Variants in KDELR2 observed in about 807,000 individuals in gnomAD.
KDELR2 encodes KDEL endoplasmic reticulum protein retention receptor 2, also known as ER lumen protein-retaining receptor 2.
Under a neutral mutation model 23.9 loss-of-function variants are expected in KDELR2, and 15 were observed. That is an observed-to-expected ratio of 0.63 (90% confidence interval 0.42 to 0.97). KDELR2 has a LOEUF of 0.97. Among genes scored for constraint, KDELR2 ranks in the 50% least tolerant of loss-of-function variants. The pLI is 0.00. For missense variants in KDELR2, 272 were observed against 254.6 expected (o/e 1.07, Z -0.46); for synonymous variants, 119 against 106.2 (o/e 1.12, Z -0.74).
chr7:6,474,291 A>G lies in KDELR2; in HGVS notation c.92-7T>C. On this transcript the variant is annotated splice_polypyrimidine_tract_variant and splice_region_variant and intron_variant, in intron 1 of 4. Coordinates refer to ENST00000258739, the MANE Select transcript of KDELR2 (RefSeq NM_006854.4). Reference sequence around the variant, plus strand: ...TGGCTTTTCCCAGAAATACCTAGAGAAACAGAAGGGAAGTATTAGAAGGGC... The same window carrying G: ...TGGCTTTTCCCAGAAATACCTAGAGGAACAGAAGGGAAGTATTAGAAGGGC... The G allele has an allele frequency of 6.3e-7, 1 of 1,591,264 alleles. No homozygotes were observed. The highest frequency in any genetic ancestry group is 8.6e-7 in the Non-Finnish European group (1 of 1,159,244).
chr7:6,466,993 G>C (rs771133214), intron 3 of KDELR2, among the ~76,000 whole-genome samples: 7 of 152,140 alleles, frequency 4.6e-5, no homozygotes, highest in Non-Finnish European at 8.8e-5. Flanking sequence ...CAGGGGTTGA[G>C]GACTCCTGGC....
At chr7:6,475,384 T>A (rs945227878) in intron 1 of KDELR2, among the ~76,000 whole-genome samples, 6 of 152,098 alleles carry the variant, frequency 3.9e-5, no homozygotes, top group African/African-American at 1.4e-4. Context: ...TGTGGTCACA[T>A]CCCTGCACTC....
intron 2 of KDELR2, among the ~76,000 whole-genome samples, chr7:6,470,910 C>A (rs1037595448): frequency 1.3e-5 from 2 of 151,768 alleles, no homozygotes; most frequent in African/African-American, 4.8e-5. Context: ...GTCAGGAGAT[C>A]GAGACCATCC....
Position 6,462,757 on chromosome 7 carries a change from G to A in KDELR2, c.*384C>T, listed in dbSNP as rs764002351. Reference sequence around the variant, plus strand: ...AATATATAATCTATCAACTGTCAAGGAGTACAATTTCATTGCAGACACAAA... The same window carrying A: ...AATATATAATCTATCAACTGTCAAGAAGTACAATTTCATTGCAGACACAAA... On this transcript the variant is annotated 3_prime_UTR_variant, in exon 5 of 5. Transcript: ENST00000258739. 126 of 474,256 alleles carry A rather than the reference G, an allele frequency of 2.7e-4. No individual in the cohort carries two copies. The highest frequency in any genetic ancestry group is 4.4e-4 in the Non-Finnish European group (118 of 271,132). 29.4% of individuals were successfully genotyped at this position (474,256 alleles called of 1,614,324 possible). A position where few individuals can be genotyped will look rare whatever the true frequency, so the allele number is the denominator to read the frequency against.
Position 6,462,925 on chromosome 7 carries a change from AT to A in KDELR2, c.*215del. The stretch of plus-strand genomic sequence containing the variant: ...GCATTAAGTTTCTTTGTGTAAAAAA[AT>A]CTTTGTACACAGTAATAAAAAAAGA... On this transcript the variant is annotated 3_prime_UTR_variant, in exon 5 of 5. Coordinates refer to ENST00000258739, the MANE Select transcript of KDELR2 (RefSeq NM_006854.4). 1 of 1,514,566 alleles carries A rather than the reference AT, an allele frequency of 6.6e-7. No homozygotes were observed. 93.8% of individuals were successfully genotyped at this position (1,514,566 alleles called of 1,614,324 possible). A position where few individuals can be genotyped will look rare whatever the true frequency, so the allele number is the denominator to read the frequency against.
intron 1 of KDELR2, among the ~76,000 whole-genome samples, chr7:6,479,861 G>A (rs901249108): frequency 6.6e-6 from 1 of 152,236 alleles, no homozygotes; most frequent in African/African-American, 2.4e-5. Flanking sequence ...CAATAAATGA[G>A]AGTAATGATT....
intron 1 of KDELR2, among the ~76,000 whole-genome samples, chr7:6,474,736 T>C (rs1583319388): frequency 6.6e-6 from 1 of 152,160 alleles, no homozygotes; most frequent in African/African-American, 2.4e-5. Flanking sequence ...ACGATCAAGC[T>C]CACTGTAGCC....
At chr7:6,474,051 T>G in intron 2 of KDELR2, 133 bp downstream of exon 2, 1 of 588,518 alleles carries the variant, frequency 1.7e-6, no homozygotes, top group Non-Finnish European at 3.0e-6. Flanking sequence ...CTGAAAGTTT[T>G]AAAGTCAAGA....
intron 2 of KDELR2, 56 bp from the exon 3 acceptor site, chr7:6,469,810 C>T (rs1436256153): frequency 1.4e-6 from 2 of 1,450,060 alleles, no homozygotes; most frequent in Non-Finnish European, 1.9e-6. Flanking sequence ...TTCCAGCACC[C>T]CCCAGCTTTT....
chr7:6,481,125 C>A (rs1785879013), intron 1 of KDELR2, among the ~76,000 whole-genome samples: 1 of 152,188 alleles, frequency 6.6e-6, no homozygotes, highest in Non-Finnish European at 1.5e-5. Context: ...AATCCCAGCA[C>A]TTTGTGAGGC....
chr7:6,473,517 ATAGT>A (rs899470439), intron 2 of KDELR2, among the ~76,000 whole-genome samples: 1 of 152,184 alleles, frequency 6.6e-6, no homozygotes, highest in African/African-American at 2.4e-5. Context: ...TTGTATTTTA[ATAGT>A]TATACACTAG....
In KDELR2 at chr7:6,462,725, ATGGAAGAATATATAATCTATCAAC is replaced by A. The variant is rs1583313697; in HGVS notation, c.*392_*415del. 2.7e-6 allele frequency: 1 copy of A among 377,230 alleles called. No homozygotes were observed. Among genetic ancestry groups the A allele is most frequent in the Non-Finnish European group, 4.7e-6 (1 of 212,628 alleles). 23.4% of individuals were successfully genotyped at this position (377,230 alleles called of 1,614,324 possible). A position where few individuals can be genotyped will look rare whatever the true frequency, so the allele number is the denominator to read the frequency against. On this transcript the variant is annotated 3_prime_UTR_variant, in exon 5 of 5. Transcript: ENST00000258739. ...ATATAGTGGAATGCAAGTTTGAGGGATGGAAGAATATATAATCTATCAACTGTCAAGGAGTACAATTTCATTGCA... is the reference window on the plus strand; with the variant it reads ...ATATAGTGGAATGCAAGTTTGAGGGATGTCAAGGAGTACAATTTCATTGCA...
At position 6,463,144 on chromosome 7, in the gene KDELR2, T is replaced by C. The variant is rs149477068; in HGVS notation, c.636A>G (p.Ala212=). Residue 212 remains alanine (A), a synonymous_variant, in exon 5 of 5, where the codon GCA becomes GCG. Transcript: ENST00000258739. ...VLKGKKLSLP[A] ...TGCTGGTGATGGTCTTTGGCACTTATGCTGGCAAACTGAGCTTCTTTCCCT... is the reference window on the plus strand; with the variant it reads ...TGCTGGTGATGGTCTTTGGCACTTACGCTGGCAAACTGAGCTTCTTTCCCT... 30 of 1,614,108 alleles carry C rather than the reference T, an allele frequency of 1.9e-5. No individual in the cohort carries two copies. Among genetic ancestry groups the C allele is most frequent in the Non-Finnish European group, 2.3e-5 (27 of 1,180,014 alleles).
intron 1 of KDELR2, among the ~76,000 whole-genome samples, chr7:6,481,161 G>C (rs1316788656): frequency 6.6e-6 from 1 of 152,120 alleles, no homozygotes; most frequent in Non-Finnish European, 1.5e-5. Flanking sequence ...ATGAGGTCAG[G>C]AGACCGAGAC....
chr7:6,483,450 G>T (rs1785952409), intron 1 of KDELR2, among the ~76,000 whole-genome samples: 1 of 152,234 alleles, frequency 6.6e-6, no homozygotes, highest in South Asian at 2.1e-4. Flanking sequence ...TGCACGGGCA[G>T]GGTGGGGAGC....
chr7:6,473,257 T>A (rs1785690849), intron 2 of KDELR2, among the ~76,000 whole-genome samples: 1 of 152,024 alleles, frequency 6.6e-6, no homozygotes, highest in African/African-American at 2.4e-5. Flanking sequence ...GCAACTCTTA[T>A]ACTTTTCCTT....
Position 6,471,176 on chromosome 7 carries a change from GTTTTTTTTTTTT to G in KDELR2, c.193-1434_193-1423del, listed in dbSNP as rs1161325162. ...AAATGTATAGCTCACATTTGTTTCG[GTTTTTTTTTTTT>G]TTTTTTTTTTTGAGATGGAGTCTCG... On this transcript the variant is annotated intron_variant, in intron 2 of 4. Coordinates refer to ENST00000258739, the MANE Select transcript of KDELR2 (RefSeq NM_006854.4). 5.5e-5 allele frequency among the ~76,000 whole-genome samples: 4 copies of G among 72,616 alleles called. No individual in the cohort carries two copies. In the South Asian group the frequency reaches 2.4e-3, roughly 43 times the overall value. The allele number at this position is 72,616 out of a possible 152,430, so 47.6% of individuals were successfully genotyped here.
At position 6,484,063 on chromosome 7, in the gene KDELR2, C is replaced by A; in HGVS notation, c.-6G>T. On this transcript the variant is annotated 5_prime_UTR_variant, in exon 1 of 5. Transcript: ENST00000258739. ...GTCAGCCGGAAAATGTTCATGGCGGCGGCGGCGGTGGCGGTCGGCGCAGCG... is the reference window on the plus strand; with the variant it reads ...GTCAGCCGGAAAATGTTCATGGCGGAGGCGGCGGTGGCGGTCGGCGCAGCG... 6.7e-7 allele frequency: 1 copy of A among 1,492,900 alleles called. No individual in the cohort carries two copies. The highest frequency in any genetic ancestry group is 1.3e-5 in the South Asian group (1 of 79,568). The allele number at this position is 1,492,900 out of a possible 1,614,324, so 92.5% of individuals were successfully genotyped here.
At chr7:6,463,322 AAT>A in intron 4 of KDELR2, 147 bp from the exon 5 acceptor site, 1 of 645,266 alleles carries the variant, frequency 1.5e-6, no homozygotes, top group Non-Finnish European at 2.6e-6. Context: ...TAAAAATACA[AAT>A]TTGATTGAAA....
Sources: gnomAD v4.1 joint callset for allele counts (sites outside exome capture counted in the v4.1 genomes callset) on GRCh38, gnomAD v4.1.1 for gene constraint, MANE v1.5 for transcripts, NCBI Gene and HGNC (gene_info 2026-07-23, HGNC 2026-07-21) for gene names.